Variants in CSMD1 observed in about 807,000 individuals in gnomAD.
CSMD1 encodes the protein CUB and sushi domain-containing protein 1.
Under a neutral mutation model 417.5 loss-of-function variants are expected in CSMD1, and 213 were observed. The observed-to-expected ratio is 0.51, with a 90% CI of 0.46 to 0.57. The LOEUF (loss-of-function observed/expected upper bound fraction) is 0.57, where lower values mean the gene tolerates loss of function less well. Among genes scored for constraint, CSMD1 ranks in the 20% least tolerant of loss-of-function variants. CSMD1 has a pLI of 0.00. For missense variants in CSMD1, 6,923 were observed against 4,529.7 expected, an observed-to-expected ratio of 1.53 and a Z score of -15.17; for synonymous variants, 2,862 against 1,736.8, an observed-to-expected ratio of 1.65 and a Z score of -16.11.
At chr8:3,083,842 T>C (rs1246768583) in intron 49 of CSMD1, among the ~76,000 whole-genome samples, 1 of 151,092 alleles carries the variant, frequency 6.6e-6, no homozygotes, top group African/African-American at 2.4e-5. Flanking sequence ...GTATTTCCTG[T>C]AGAGACAGGG....
intron 3 of CSMD1, among the ~76,000 whole-genome samples, chr8:4,413,098 A>G (rs1325681971): frequency 6.6e-6 from 1 of 152,196 alleles, no homozygotes; most frequent in Non-Finnish European, 1.5e-5. Context: ...GAGATATTTC[A>G]TGGCCCTCAA....
chr8:3,317,767 T>G lies in CSMD1; in HGVS notation c.3632-9264A>C, dbSNP rs1314648851. On this transcript the variant is annotated intron_variant, in intron 23 of 69. Coordinates refer to ENST00000635120, the MANE Select transcript of CSMD1 (RefSeq NM_033225.6). ...TTTAAAATGTTATAAATTTTGTGTT[T>G]AGTAAAATTTCATGTAAAATAAAGT... 3.9e-5 allele frequency among the ~76,000 whole-genome samples: 6 copies of G among 152,226 alleles called. No individual in the cohort carries two copies. The East Asian group carries it at 5.8e-4, about 15-fold the overall frequency.
chr8:4,917,825 G>A (rs1399181269), intron 1 of CSMD1, among the ~76,000 whole-genome samples: 1 of 151,866 alleles, frequency 6.6e-6, no homozygotes, highest in Non-Finnish European at 1.5e-5. Flanking sequence ...TGTGGCAGTG[G>A]TTCAGATGGA....
intron 3 of CSMD1, among the ~76,000 whole-genome samples, chr8:4,124,808 T>C (rs542844148): frequency 1.3e-5 from 2 of 152,234 alleles, no homozygotes; most frequent in African/African-American, 2.4e-5. Flanking sequence ...CAGCCTGATG[T>C]TTTTAACCAA....
intron 1 of CSMD1, among the ~76,000 whole-genome samples, chr8:4,729,437 C>T (rs887759468): frequency 2.0e-5 from 3 of 151,994 alleles, no homozygotes; most frequent in Non-Finnish European, 4.4e-5. Flanking sequence ...AAGAGATTTG[C>T]GGCAGAGGGG....
In CSMD1 at chr8:4,023,283, T is replaced by C. The variant is rs74503971; in HGVS notation, c.610+8622A>G. On this transcript the variant is annotated intron_variant, in intron 4 of 69. Coordinates refer to ENST00000635120, the MANE Select transcript of CSMD1 (RefSeq NM_033225.6). ...AAACATCTGAACCAACTACCCATCA[T>C]TGAGACTCATTTTGAATTTAACTTG... is the stretch of plus-strand genomic sequence containing the variant. Among the ~76,000 whole-genome samples, 1,511 of 152,350 alleles carry C rather than the reference T, an allele frequency of 9.9e-3. 24 individuals are homozygous for C. Among genetic ancestry groups the C allele is most frequent in the East Asian group, 0.057 (296 of 5,180 alleles).
At chr8:4,841,322 T>C (rs750879212) in intron 1 of CSMD1, among the ~76,000 whole-genome samples, 1 of 152,214 alleles carries the variant, frequency 6.6e-6, no homozygotes, top group Non-Finnish European at 1.5e-5. Flanking sequence ...AATCATAGAC[T>C]TATGCTGGTT....
intron 33 of CSMD1, among the ~76,000 whole-genome samples, chr8:3,191,579 CGTGT>C (rs1450486853): frequency 2.0e-5 from 3 of 152,070 alleles, no homozygotes; most frequent in Non-Finnish European, 2.9e-5. Context: ...TATGGAATGA[CGTGT>C]GTGTATCTCA....
chr8:3,964,046 T>C (rs563249595), intron 5 of CSMD1, among the ~76,000 whole-genome samples: 56 of 152,330 alleles, frequency 3.7e-4, no homozygotes, highest in Admixed American at 5.9e-4. Context: ...ATTACTTTCA[T>C]TGATAGCACA....
chr8:4,690,558 A>G lies in CSMD1; in HGVS notation c.86-53000T>C, dbSNP rs185023687. 3.7e-3 allele frequency among the ~76,000 whole-genome samples: 567 copies of G among 152,314 alleles called. 2 individuals are homozygous for G. The highest frequency in any genetic ancestry group is 0.013 in the African/African-American group (551 of 41,580). Reference sequence around the variant, plus strand: ...TCTGTCATGACACATCGCACTTCAGAAAAAGGATGAATTCTAAAATATTAT... The same window carrying G: ...TCTGTCATGACACATCGCACTTCAGGAAAAGGATGAATTCTAAAATATTAT... On this transcript the variant is annotated intron_variant, in intron 1 of 69. Coordinates refer to ENST00000635120, the MANE Select transcript of CSMD1 (RefSeq NM_033225.6).
Position 3,998,053 on chromosome 8 carries a change from T to C in CSMD1, c.668A>G (p.His223Arg). ...GTTGTTCTCGTACTCTGAAGGGAAG[T>C]GCGGGCTGGAGATGGAGCTGCTGGT... ...RGTSSSISSPHFPSEYENNAD... is the reference protein window; with the variant it reads ...RGTSSSISSPRFPSEYENNAD... Residue 223 changes from histidine (H) to arginine (R), a missense_variant, in exon 5 of 70, where the codon CAC (histidine) becomes CGC (arginine). Transcript: ENST00000635120. 6.3e-7 allele frequency: 1 copy of C among 1,598,566 alleles called. No homozygotes were observed.
At chr8:2,962,861 C>A (rs1803620612) in intron 60 of CSMD1, among the ~76,000 whole-genome samples, 1 of 152,148 alleles carries the variant, frequency 6.6e-6, no homozygotes, top group Non-Finnish European at 1.5e-5. Context: ...CTAGCCTGGG[C>A]AACATGGCGA....
intron 5 of CSMD1, among the ~76,000 whole-genome samples, chr8:3,879,561 T>C (rs550937905): frequency 1.3e-5 from 2 of 152,194 alleles, no homozygotes; most frequent in African/African-American, 2.4e-5. Context: ...TCATTCTCTA[T>C]TGATATTACC....
intron 5 of CSMD1, among the ~76,000 whole-genome samples, chr8:3,897,901 G>C (rs754174698): frequency 6.6e-6 from 1 of 152,150 alleles, no homozygotes; most frequent in Non-Finnish European, 1.5e-5. Flanking sequence ...AAGTAAGGTG[G>C]CCATGTGGAT....
chr8:4,914,604 T>C (rs1445395830), intron 1 of CSMD1, among the ~76,000 whole-genome samples: 16 of 122,510 alleles, frequency 1.3e-4, no homozygotes, highest in Admixed American at 5.9e-4. Context: ...AAAAAAAAAA[T>C]AGAAGATAGA....
At chr8:3,504,273 A>G (rs992497728) in intron 10 of CSMD1, among the ~76,000 whole-genome samples, 3 of 152,142 alleles carry the variant, frequency 2.0e-5, no homozygotes, top group African/African-American at 4.8e-5. Flanking sequence ...TTTTAAGTGA[A>G]CAAGTACAAT....
intron 43 of CSMD1, 146 bp downstream of exon 43, chr8:3,110,012 T>C (rs1389050201): frequency 4.4e-6 from 3 of 680,460 alleles, no homozygotes; most frequent in Non-Finnish European, 7.2e-6. Context: ...TGATTCCCTA[T>C]ATCTCTGGAT....
chr8:4,139,546 C>T (rs893054975), intron 3 of CSMD1, among the ~76,000 whole-genome samples: 5 of 151,090 alleles, frequency 3.3e-5, no homozygotes, highest in South Asian at 4.2e-4. Flanking sequence ...TCATCCTGCA[C>T]GACGATCTGC....
chr8:3,399,563 A>C, intron 15 of CSMD1, 34 bp from the exon 16 acceptor site: 1 of 1,519,142 alleles, frequency 6.6e-7, no homozygotes, highest in Non-Finnish European at 8.9e-7. Context: ...ATTAGATCCA[A>C]TGAGACAGAA....
Sources: gnomAD v4.1 joint callset for allele counts (sites outside exome capture counted in the v4.1 genomes callset) on GRCh38, gnomAD v4.1.1 for gene constraint, MANE v1.5 for transcripts, NCBI Gene and HGNC (gene_info 2026-07-23, HGNC 2026-07-21) for gene names.